Variants in ZHX3 observed in about 807,000 individuals in gnomAD.
ZHX3 encodes the protein zinc fingers and homeoboxes 3.
Under a neutral mutation model 64.5 loss-of-function variants are expected in ZHX3, and 20 were observed. The observed-to-expected ratio is 0.31, with a 90% CI of 0.22 to 0.45. ZHX3 has a LOEUF of 0.45. ZHX3 is among the 20% of genes least tolerant of loss of function. ZHX3 has a pLI of 1.00. For missense variants in ZHX3, 1,041 were observed against 1,195.8 expected (o/e 0.87, Z 1.91); for synonymous variants, 423 against 461.6 (o/e 0.92, Z 1.07).
chr20:41,202,583 C>A lies in ZHX3; in HGVS notation c.2334G>T (p.Leu778Phe). Residue 778 changes from leucine to phenylalanine, a missense_variant, in exon 3 of 4, where the codon TTG becomes TTT. Physicochemically the swap from Leu to Phe is conservative, Grantham distance 22 (BLOSUM62 0). Around this residue, in one of 4 missense-constraint regions of ZHX3, gnomAD observed 649 missense variants for 739.8 expected, o/e 0.88. Transcript: ENST00000683867. This position sits in a 1 kb window ranked among gnomAD's most constrained non-coding sequence, Gnocchi z 7.0. ...SCKKTAQQRH[L>F]LRQLFVQTQW... ...GTGTCTGGACAAAGAGCTGCCGCAGCAAGTGCCGCTGCTGGGCAGTCTTTT... is the reference window on the plus strand; with the variant it reads ...GTGTCTGGACAAAGAGCTGCCGCAGAAAGTGCCGCTGCTGGGCAGTCTTTT... 6.2e-7 allele frequency: 1 copy of A among 1,614,032 alleles called. No homozygotes were observed. The highest frequency in any genetic ancestry group is 8.5e-7 in the Non-Finnish European group (1 of 1,180,028).
At chr20:41,250,356 C>G (rs1403531788) in intron 2 of ZHX3, among the ~76,000 whole-genome samples, 2 of 152,360 alleles carry the variant, frequency 1.3e-5, no homozygotes, top group East Asian at 3.9e-4. Flanking sequence ...CCCAGACTCT[C>G]TTAATAGACA....
In ZHX3 at chr20:41,228,043, G is replaced by C. The variant is rs1329661808; in HGVS notation, c.-150-22977C>G. ...TTCTGCCCAAACCACTTGCACCAAG[G>C]TCATCAGTCAAGTGGCTCTTTCCTA... On this transcript the variant is annotated intron_variant, in intron 2 of 3. Transcript: ENST00000683867. This position sits in a 1 kb window ranked among gnomAD's most constrained non-coding sequence, Gnocchi z 4.6. 6.6e-6 allele frequency among the ~76,000 whole-genome samples: 1 copy of C among 152,026 alleles called. No individual in the cohort carries two copies. The highest frequency in any genetic ancestry group is 6.6e-5 in the Admixed American group (1 of 15,258).
rs764962010 is a variant in ZHX3, at chr20:41,204,210, G to T, written c.707C>A (p.Ala236Glu). Residue 236 changes from alanine to glutamate, a missense_variant, in exon 3 of 4, where the codon GCA (alanine) becomes GAA (glutamate). By Grantham distance (107) the Ala-to-Glu change is moderately radical. Transcript: ENST00000683867. The surrounding 1 kb of genome is among the most constrained non-coding windows in gnomAD (Gnocchi z 6.6). Reference protein sequence around the residue: ...REGDHSFINGAVPVSQASASS... With the variant: ...REGDHSFINGEVPVSQASASS... ...GGCAGATGCCTGGCTGACTGGAACTGCCCCATTGATGAAGGAATGGTCCCC... is the reference window on the plus strand; with the variant it reads ...GGCAGATGCCTGGCTGACTGGAACTTCCCCATTGATGAAGGAATGGTCCCC... 6.2e-7 allele frequency: 1 copy of T among 1,612,414 alleles called. No individual in the cohort carries two copies. The highest frequency in any genetic ancestry group is 2.2e-5 in the East Asian group (1 of 44,872).
intron 2 of ZHX3, among the ~76,000 whole-genome samples, chr20:41,245,150 G>C (rs1057128982): frequency 1.3e-5 from 2 of 152,224 alleles, no homozygotes; most frequent in African/African-American, 4.8e-5. Flanking sequence ...AAGGCACATT[G>C]CATGAGTCAC....
intron 2 of ZHX3, among the ~76,000 whole-genome samples, chr20:41,233,867 C>T (rs901933452): frequency 2.0e-5 from 3 of 152,224 alleles, no homozygotes; most frequent in African/African-American, 4.8e-5. Context: ...GACATGTCAC[C>T]TTTTGAAGAA....
Position 41,198,190 on chromosome 20 carries a change from T to G in ZHX3, c.2860+3867A>C, listed in dbSNP as rs372493518. 5.1e-4 allele frequency among the ~76,000 whole-genome samples: 77 copies of G among 151,872 alleles called. 1 individual carries two copies. Among genetic ancestry groups the G allele is most frequent in the East Asian group, 4.8e-3 (25 of 5,160 alleles). On this transcript the variant is annotated intron_variant, in intron 3 of 3. Transcript: ENST00000683867. ...GTTTTGTATTTTTTGTAGAGATGGG[T>G]TTTCACCATGTTGGCCAGGCTGGTC...
chr20:41,256,536 G>T (rs1263424946), intron 2 of ZHX3, among the ~76,000 whole-genome samples: 2 of 151,486 alleles, frequency 1.3e-5, no homozygotes. Context: ...ACCCAGAGCT[G>T]TCCTATCTTA....
Position 41,226,126 on chromosome 20 carries a change from G to A in ZHX3, c.-150-21060C>T, listed in dbSNP as rs1036292379. 5.3e-5 allele frequency among the ~76,000 whole-genome samples: 8 copies of A among 152,050 alleles called. No individual in the cohort carries two copies. The highest frequency in any genetic ancestry group is 1.7e-4 in the African/African-American group (7 of 41,406). ...AAAGTACTTATCTTGGGCTGGGCGCGGTGGCTCACACCTGTAATCCCAGCA... is the reference window on the plus strand; with the variant it reads ...AAAGTACTTATCTTGGGCTGGGCGCAGTGGCTCACACCTGTAATCCCAGCA... On this transcript the variant is annotated intron_variant, in intron 2 of 3. Coordinates refer to ENST00000683867, the MANE Select transcript of ZHX3 (RefSeq NM_001384317.1). The surrounding 1 kb of genome is among the most constrained non-coding windows in gnomAD (Gnocchi z 4.4).
rs373037709 is a variant in ZHX3 at position 41,195,635 on chromosome 20, C to T, written c.2860+6422G>A. ...TTCACTATGTTGGCCAGGCTGGTCT[C>T]GAACTCCTGACCTCAGGTGATCCAC... On this transcript the variant is annotated intron_variant, in intron 3 of 3. Coordinates refer to ENST00000683867, the MANE Select transcript of ZHX3 (RefSeq NM_001384317.1). The surrounding 1 kb of genome is among the most constrained non-coding windows in gnomAD (Gnocchi z 4.2). Among the ~76,000 whole-genome samples the T allele has an allele frequency of 2.6e-5, 4 of 152,242 alleles. No homozygotes were observed. Among genetic ancestry groups the T allele is most frequent in the African/African-American group, 7.2e-5 (3 of 41,546 alleles).
At chr20:41,260,021 C>A (rs2042475233) in intron 2 of ZHX3, among the ~76,000 whole-genome samples, 1 of 152,086 alleles carries the variant, frequency 6.6e-6, no homozygotes, top group South Asian at 2.1e-4. Context: ...TCAAGATACA[C>A]ATGACACAAA....
chr20:41,247,585 T>C (rs935912344), intron 2 of ZHX3, among the ~76,000 whole-genome samples: 1 of 152,096 alleles, frequency 6.6e-6, no homozygotes, highest in Non-Finnish European at 1.5e-5. Flanking sequence ...AAGTAGCATG[T>C]TCAGGCTTTT....
chr20:41,187,382 C>G (rs1186662567), intron 3 of ZHX3, among the ~76,000 whole-genome samples: 5 of 146,528 alleles, frequency 3.4e-5, no homozygotes, highest in Non-Finnish European at 6.0e-5. Flanking sequence ...TGGAAGGATT[C>G]TATTTTCTTC....
intron 3 of ZHX3, among the ~76,000 whole-genome samples, chr20:41,193,119 GTTC>G (rs2037184196): frequency 6.6e-6 from 1 of 151,934 alleles, no homozygotes; most frequent in African/African-American, 2.4e-5. Flanking sequence ...CTCTATTTTT[GTTC>G]TTAATGGAAG....
intron 1 of ZHX3, among the ~76,000 whole-genome samples, chr20:41,295,514 T>C (rs1251228056): frequency 1.3e-5 from 2 of 152,178 alleles, no homozygotes; most frequent in African/African-American, 4.8e-5. Flanking sequence ...AGAATTCCCT[T>C]TTTAAAAAAT....
At chr20:41,289,265 T>C (rs533970748) in intron 1 of ZHX3, among the ~76,000 whole-genome samples, 58 of 152,032 alleles carry the variant, frequency 3.8e-4, no homozygotes, top group Non-Finnish European at 5.9e-4. Flanking sequence ...CCTCCCAAAG[T>C]GCTGGGATTA....
At chr20:41,198,662 T>A (rs1034008409) in intron 3 of ZHX3, among the ~76,000 whole-genome samples, 4 of 152,104 alleles carry the variant, frequency 2.6e-5, no homozygotes, top group Non-Finnish European at 5.9e-5. Context: ...ATATAACATG[T>A]CTTGGTGTGG....
chr20:41,185,341 C>T lies in ZHX3; in HGVS notation c.2861-140G>A. ...CCATGAGCAATGAATGGCCTTCTGCCACCCACTCCCCCACCCTCCAGCCTG... is the reference window on the plus strand; with the variant it reads ...CCATGAGCAATGAATGGCCTTCTGCTACCCACTCCCCCACCCTCCAGCCTG... On this transcript the variant is annotated intron_variant, in intron 3 of 3. Coordinates refer to ENST00000683867, the MANE Select transcript of ZHX3 (RefSeq NM_001384317.1). The surrounding 1 kb of genome is among the most constrained non-coding windows in gnomAD (Gnocchi z 5.0). 9.8e-7 allele frequency: 1 copy of T among 1,020,552 alleles called. No homozygotes were observed. The highest frequency in any genetic ancestry group is 1.7e-5 in the South Asian group (1 of 59,908). 63.2% of individuals were successfully genotyped at this position (1,020,552 alleles called of 1,614,324 possible).
At chr20:41,213,162 G>C (rs980088072) in intron 2 of ZHX3, among the ~76,000 whole-genome samples, 5 of 152,180 alleles carry the variant, frequency 3.3e-5, no homozygotes, top group Non-Finnish European at 7.3e-5. Context: ...CAAATCCATA[G>C]AGGCAGATAG....
intron 3 of ZHX3, among the ~76,000 whole-genome samples, chr20:41,190,930 GT>G (rs2036964812): frequency 6.6e-6 from 1 of 152,022 alleles, no homozygotes; most frequent in South Asian, 2.1e-4. Flanking sequence ...TTCCTTTATA[GT>G]TGCTTACACA....
Sources: allele counts gnomAD v4.1 joint callset (sites outside exome capture counted in the v4.1 genomes callset), GRCh38; gene constraint gnomAD v4.1.1; regional missense constraint gnomAD v4.1.1; non-coding constraint Gnocchi (gnomAD v3.1); transcripts MANE v1.5; gene names NCBI Gene and HGNC (gene_info 2026-07-23, HGNC 2026-07-21).